SLC9D1: variants seen among roughly 807,000 people sequenced by gnomAD.
SLC9D1 encodes putative LAG1-interacting protein.
chr13:113,525,862 C>T, the SLC9D1 span, among the ~76,000 whole-genome samples: 6 of 150,880 alleles, frequency 4.0e-5, no homozygotes, highest in East Asian at 7.9e-4. Flanking sequence ...AAGCCATCGT[C>T]GTCGTAGGAG....
chr13:113,498,442 A>G, the SLC9D1 span: 1 of 1,587,810 alleles, frequency 6.3e-7, no homozygotes, highest in Non-Finnish European at 8.5e-7. Context: ...ATGCTTGACG[A>G]GATTCTTGAA....
At chr13:113,503,773 G>A in the SLC9D1 span, 19 of 566,016 alleles carry the variant, frequency 3.4e-5, no homozygotes, top group East Asian at 2.0e-4. Context: ...GTTTGAAAGC[G>A]TAGAAATTCA....
the SLC9D1 span, chr13:113,491,082 C>T: frequency 1.3e-5 from 2 of 153,994 alleles, no homozygotes; most frequent in East Asian, 3.8e-4. Flanking sequence ...GCCGCTCCCT[C>T]CCGGACTCCC....
the SLC9D1 span, among the ~76,000 whole-genome samples, chr13:113,512,719 G>C: frequency 1.3e-5 from 2 of 148,788 alleles, no homozygotes; most frequent in Non-Finnish European, 3.0e-5. Context: ...GCTGGAACTG[G>C]AAGGGGGCCG....
chr13:113,546,476 GC>G, the SLC9D1 span, among the ~76,000 whole-genome samples: 1 of 152,152 alleles, frequency 6.6e-6, no homozygotes, highest in Non-Finnish European at 1.5e-5. This position sits in a 1 kb window ranked among gnomAD's most constrained non-coding sequence, Gnocchi z 7.1. Context: ...AGAGAAGGCA[GC>G]CCTCAAGCGC....
chr13:113,496,504 G>A, the SLC9D1 span, among the ~76,000 whole-genome samples: 2 of 152,168 alleles, frequency 1.3e-5, no homozygotes, highest in Non-Finnish European at 2.9e-5. Flanking sequence ...TTGAATTAAG[G>A]ACTTTGACCA....
chr13:113,503,784 G>T, the SLC9D1 span: 2 of 560,314 alleles, frequency 3.6e-6, no homozygotes, highest in Non-Finnish European at 6.3e-6. Flanking sequence ...TAGAAATTCA[G>T]TGAAGAATTG....
the SLC9D1 span, among the ~76,000 whole-genome samples, chr13:113,521,118 C>CTGTG: frequency 1.3e-3 from 190 of 151,084 alleles, 1 homozygote; most frequent in African/African-American, 4.4e-3. Context: ...GAGGGAGTAT[C>CTGTG]TGTGTGTGTG....
At chr13:113,534,548 G>A in the SLC9D1 span, 1 of 377,506 alleles carries the variant, frequency 2.6e-6, no homozygotes, top group East Asian at 4.3e-5. Flanking sequence ...TAGCATGTGG[G>A]GAAGCTGAGG....
At chr13:113,522,285 G>A in the SLC9D1 span, among the ~76,000 whole-genome samples, 1 of 152,328 alleles carries the variant, frequency 6.6e-6, no homozygotes, top group East Asian at 1.9e-4. Context: ...GGTGGATTCT[G>A]TCGATTGCTT....
chr13:113,536,265 A>G, the SLC9D1 span, among the ~76,000 whole-genome samples: 14 of 152,078 alleles, frequency 9.2e-5, no homozygotes, highest in Admixed American at 4.6e-4. Flanking sequence ...GCAGTCCCAG[A>G]CACTTGGGAG....
the SLC9D1 span, among the ~76,000 whole-genome samples, chr13:113,515,990 T>C: frequency 6.6e-6 from 1 of 152,044 alleles, no homozygotes; most frequent in East Asian, 1.9e-4. Flanking sequence ...TAGATTTTTG[T>C]GTGTGGAATC....
the SLC9D1 span, chr13:113,510,437 ATG>A: frequency 6.2e-7 from 1 of 1,607,404 alleles, no homozygotes; most frequent in Non-Finnish European, 8.5e-7. Context: ...AGGTGACGGC[ATG>A]TTCTGAGTGC....
the SLC9D1 span, among the ~76,000 whole-genome samples, chr13:113,498,160 A>C: frequency 1.2e-4 from 19 of 152,226 alleles, no homozygotes; most frequent in Non-Finnish European, 2.9e-5. Flanking sequence ...ACCTTTCCCT[A>C]AACATTTGGC....
the SLC9D1 span, among the ~76,000 whole-genome samples, chr13:113,537,436 C>T: frequency 1.3e-5 from 2 of 152,244 alleles, no homozygotes; most frequent in African/African-American, 4.8e-5. Context: ...GCACCACGTC[C>T]TCCAGGCCTG....
At chr13:113,534,129 T>C in the SLC9D1 span, 1 of 1,613,546 alleles carries the variant, frequency 6.2e-7, no homozygotes, top group South Asian at 1.1e-5. Context: ...TATGTCTTGT[T>C]ATAAAGAAGT....
chr13:113,522,036 CT>C, the SLC9D1 span, among the ~76,000 whole-genome samples: 1 of 152,154 alleles, frequency 6.6e-6, no homozygotes, highest in African/African-American at 2.4e-5. Flanking sequence ...TGCTTTATTT[CT>C]TCCTTTCCAA....
the SLC9D1 span, chr13:113,520,719 C>T: frequency 6.2e-7 from 1 of 1,611,968 alleles, no homozygotes; most frequent in Non-Finnish European, 8.5e-7. Flanking sequence ...AGGCGGGCGC[C>T]AGTGCATCTT....
chr13:113,509,042 CA>C, the SLC9D1 span, among the ~76,000 whole-genome samples: 4 of 101,448 alleles, frequency 3.9e-5, no homozygotes, highest in Non-Finnish European at 5.5e-5. Context: ...GGTCCCCTGA[CA>C]CTGCCTGTGT....
Sources: gnomAD v4.1 joint callset for allele counts (sites outside exome capture counted in the v4.1 genomes callset) on GRCh38, gnomAD v4.1.1 for gene constraint, Gnocchi (gnomAD v3.1) non-coding constraint, MANE v1.5 for transcripts, NCBI Gene and HGNC (gene_info 2026-07-23, HGNC 2026-07-21) for gene names.